TRIM58: variants seen among roughly 807,000 people sequenced by gnomAD.
TRIM58 encodes tripartite motif containing 58.
Under a neutral mutation model 34.1 loss-of-function variants are expected in TRIM58, and 38 were observed. The observed-to-expected ratio is 1.12, with a 90% confidence interval of 0.86 to 1.46. TRIM58 has a LOEUF of 1.46. Ranked by LOEUF, TRIM58 falls within the 40% of genes most tolerant of loss-of-function variation. The pLI is 0.00. For missense variants in TRIM58, 677 were observed against 642.0 expected (o/e 1.05, Z -0.59); for synonymous variants, 273 against 275.7 (o/e 0.99, Z 0.10).
chr1:247,873,924 C>T (rs1292696345), intron 5 of TRIM58, among the ~76,000 whole-genome samples: 1 of 152,050 alleles, frequency 6.6e-6, no homozygotes, highest in Non-Finnish European at 1.5e-5. Context: ...TGTGATTGCA[C>T]CACTGCACTC....
rs1659366475 is a variant in TRIM58 at position 247,879,675 on chromosome 1, G to A, written c.*3186G>A. On this transcript the variant is annotated 3_prime_UTR_variant, in exon 6 of 6. Transcript: ENST00000366481. ...CTTTGCATTCTGCTCCAGCTGCCCTGGCCTCATGGCTGGGTTTCCACCAAA... is the reference window on the plus strand; with the variant it reads ...CTTTGCATTCTGCTCCAGCTGCCCTAGCCTCATGGCTGGGTTTCCACCAAA... 6.7e-6 allele frequency among the ~76,000 whole-genome samples: 1 copy of A among 150,170 alleles called. No individual in the cohort carries two copies. The highest frequency in any genetic ancestry group is 1.5e-5 in the Non-Finnish European group (1 of 67,808).
chr1:247,860,491 T>G, intron 1 of TRIM58, 126 bp from the exon 2 acceptor site: 2 of 613,916 alleles, frequency 3.3e-6, no homozygotes, highest in Non-Finnish European at 5.7e-6. Context: ...TAGTTTTTAA[T>G]GATATTGAAC....
At chr1:247,860,596 A>G (rs1478194043) in intron 1 of TRIM58, 21 bp from the exon 2 acceptor site, 2 of 1,588,846 alleles carry the variant, frequency 1.3e-6, no homozygotes, top group African/African-American at 2.7e-5. Flanking sequence ...CATCTGTAAC[A>G]GCTGAAATGT....
chr1:247,875,898 A>G lies in TRIM58; in HGVS notation c.872-2A>G, dbSNP rs767867164. The G allele has an allele frequency of 5.6e-6, 9 of 1,605,086 alleles. No homozygotes were observed. In the African/African-American group the frequency reaches 1.2e-4, roughly 21 times the overall value. ...ACCTGGTCCACCACATTCTTTCCGC[A>G]GTGGATGTAAAGCTGGATCCCGCCA... On this transcript the variant is annotated splice_acceptor_variant, in intron 5 of 5. Transcript: ENST00000366481. LOFTEE classifies it high-confidence loss of function.
rs61730477 is a variant in TRIM58 at position 247,876,278 on chromosome 1, A to G, written c.1250A>G (p.Tyr417Cys). ...CGCTGCATTGGGATTTTCTTGGACTATGAAGCCGGTGAAATTTCATTCTAC... is the reference window on the plus strand; with the variant it reads ...CGCTGCATTGGGATTTTCTTGGACTGTGAAGCCGGTGAAATTTCATTCTAC... Reference protein sequence around the residue: ...SPRCIGIFLDYEAGEISFYNV... With the variant: ...SPRCIGIFLDCEAGEISFYNV... Residue 417 changes from tyrosine to cysteine, a missense_variant, in exon 6 of 6, where the codon TAT becomes TGT. Tyr to Cys is a radical substitution (Grantham distance 194, BLOSUM62 -2). Coordinates refer to ENST00000366481, the MANE Select transcript of TRIM58 (RefSeq NM_015431.4). 83 of 1,614,082 alleles carry G rather than the reference A, an allele frequency of 5.1e-5. No individual in the cohort carries two copies. Among genetic ancestry groups the G allele is most frequent in the Non-Finnish European group, 6.4e-5 (76 of 1,180,046 alleles).
intron 3 of TRIM58, among the ~76,000 whole-genome samples, chr1:247,867,361 G>A (rs1663954320): frequency 2.0e-5 from 3 of 152,104 alleles, no homozygotes; most frequent in Non-Finnish European, 4.4e-5. Flanking sequence ...AAATTGATAG[G>A]TGTTGCAGGA....
At chr1:247,874,544 A>G (rs1262181367) in intron 5 of TRIM58, among the ~76,000 whole-genome samples, 1 of 152,226 alleles carries the variant, frequency 6.6e-6, no homozygotes, top group East Asian at 1.9e-4. Flanking sequence ...AGCAATGCTA[A>G]TAAGGAAATG....
chr1:247,879,782 CATT>C lies in TRIM58; in HGVS notation c.*3297_*3299del, dbSNP rs1220695486. On this transcript the variant is annotated 3_prime_UTR_variant, in exon 6 of 6. Transcript: ENST00000366481. ...CCTTTTCCCTGATATCCCCTTGACT[CATT>C]ATTCCCTTTCTTCCTTAACTCTTCT... is the stretch of plus-strand genomic sequence containing the variant. 6.6e-6 allele frequency among the ~76,000 whole-genome samples: 1 copy of C among 151,450 alleles called. No homozygotes were observed. Among genetic ancestry groups the C allele is most frequent in the African/African-American group, 2.4e-5 (1 of 41,202 alleles).
chr1:247,857,396 G>T lies in TRIM58; in HGVS notation c.150G>T (p.Ala50=). 1 of 1,522,702 alleles carries T rather than the reference G, an allele frequency of 6.6e-7. No homozygotes were observed. Among genetic ancestry groups the T allele is most frequent in the East Asian group, 2.7e-5 (1 of 36,900 alleles). The allele number at this position is 1,522,702 out of a possible 1,614,324, so 94.3% of individuals were successfully genotyped here. A position where few individuals can be genotyped will look rare whatever the true frequency, so the allele number is the denominator to read the frequency against. Residue 50 remains alanine, a synonymous_variant, in exon 1 of 6, where the codon GCG becomes GCT. Transcript: ENST00000366481. ...AGTTCTGCGAGAAGTCGGACGGCGCGCAGGGCGGCGTCTACGCCTGTCCGC... is the reference window on the plus strand; with the variant it reads ...AGTTCTGCGAGAAGTCGGACGGCGCTCAGGGCGGCGTCTACGCCTGTCCGC... ...ISEFCEKSDG[A]QGGVYACPQC...
At chr1:247,864,980 G>T in intron 3 of TRIM58, 45 bp downstream of exon 3, 1 of 1,490,980 alleles carries the variant, frequency 6.7e-7, no homozygotes, top group South Asian at 1.2e-5. Context: ...AGACTCAGGT[G>T]ACAGAGACTA....
chr1:247,861,485 G>A (rs945250902), intron 2 of TRIM58, among the ~76,000 whole-genome samples: 1 of 152,128 alleles, frequency 6.6e-6, no homozygotes, highest in Non-Finnish European at 1.5e-5. Flanking sequence ...AAAATGATCT[G>A]TTCAAGATGT....
intron 2 of TRIM58, among the ~76,000 whole-genome samples, chr1:247,862,501 C>G (rs1204648688): frequency 6.6e-6 from 1 of 152,064 alleles, no homozygotes; most frequent in African/African-American, 2.4e-5. Flanking sequence ...CATTACTTGC[C>G]TATAATGTAC....
chr1:247,858,714 C>T (rs892429088), intron 1 of TRIM58, among the ~76,000 whole-genome samples: 5 of 143,512 alleles, frequency 3.5e-5, no homozygotes, highest in Non-Finnish European at 7.6e-5. Context: ...AATGTTCTTG[C>T]CTTTTTAAAA....
At chr1:247,875,391 G>C (rs993290092) in intron 5 of TRIM58, among the ~76,000 whole-genome samples, 2 of 152,142 alleles carry the variant, frequency 1.3e-5, no homozygotes, top group African/African-American at 2.4e-5. Context: ...AGCCAGACAT[G>C]GTGGTGTGCA....
chr1:247,867,771 T>G (rs1663964325), intron 3 of TRIM58, 74 bp from the exon 4 acceptor site: 1 of 1,567,584 alleles, frequency 6.4e-7, no homozygotes, highest in Non-Finnish European at 8.8e-7. Context: ...AAGGAAATTT[T>G]TATGGGGTCT....
rs1241892545 is a variant in TRIM58, at chr1:247,864,707, G to C, written c.519G>C (p.Glu173Asp). The C allele has an allele frequency of 6.2e-7, 1 of 1,614,010 alleles. No homozygotes were observed. The highest frequency in any genetic ancestry group is 8.5e-7 in the Non-Finnish European group (1 of 1,179,980). ...TGTGATCCACGGTGTCACCTCAGGAGAAAGTGGAAATGCAGAGGCAGCGCT... is the reference window on the plus strand; with the variant it reads ...TGTGATCCACGGTGTCACCTCAGGACAAAGTGGAAATGCAGAGGCAGCGCT... Reference protein sequence around the residue: ...NVGKKTVIWKEKVEMQRQRFR... With the variant: ...NVGKKTVIWKDKVEMQRQRFR... Residue 173 changes from glutamate (E) to aspartate (D), a missense_variant and splice_region_variant, in exon 3 of 6, where the codon GAG becomes GAC. Coordinates refer to ENST00000366481, the MANE Select transcript of TRIM58 (RefSeq NM_015431.4).
At chr1:247,859,838 TAG>T (rs1277235587) in intron 1 of TRIM58, among the ~76,000 whole-genome samples, 1 of 151,982 alleles carries the variant, frequency 6.6e-6, no homozygotes, top group Non-Finnish European at 1.5e-5. Context: ...ATATGAAATA[TAG>T]AGATATAATA....
chr1:247,869,689 CT>C (rs1659038862), intron 5 of TRIM58, among the ~76,000 whole-genome samples: 1 of 152,188 alleles, frequency 6.6e-6, no homozygotes, highest in African/African-American at 2.4e-5. Context: ...AGCATCTGGC[CT>C]TCCTGAGATT....
At position 247,876,623 on chromosome 1, in the gene TRIM58, A is replaced by C. The variant is rs1479052298; in HGVS notation, c.*134A>C. ...TTCGTTGTTGCTGTGAAATATGTCC[A>C]TGGGACAAAAGAGGGAATATGAAAT... On this transcript the variant is annotated 3_prime_UTR_variant, in exon 6 of 6. Coordinates refer to ENST00000366481, the MANE Select transcript of TRIM58 (RefSeq NM_015431.4). 7.5e-6 allele frequency: 5 copies of C among 664,496 alleles called. No homozygotes were observed. The East Asian group carries it at 1.4e-4, about 18-fold the overall frequency. The allele number at this position is 664,496 out of a possible 1,614,324, so 41.2% of individuals were successfully genotyped here. A position where few individuals can be genotyped will look rare whatever the true frequency, so the allele number is the denominator to read the frequency against.
Sources: allele counts gnomAD v4.1 joint callset (sites outside exome capture counted in the v4.1 genomes callset), GRCh38; gene constraint gnomAD v4.1.1; transcripts MANE v1.5; gene names NCBI Gene and HGNC (gene_info 2026-07-23, HGNC 2026-07-21).